Variants in UTS2B observed in about 807,000 individuals in gnomAD.
The protein encoded by UTS2B is urotensin 2B, also known as urotensin-2B.
In UTS2B, 21 loss-of-function variants were observed where a neutral mutation model predicts 19.2. That is an observed-to-expected ratio of 1.09 (90% CI 0.78 to 1.58). UTS2B has a LOEUF of 1.58. Ranked by LOEUF, UTS2B falls within the 40% of genes most tolerant of loss-of-function variation. UTS2B has a pLI of 0.00. For missense variants in UTS2B, 138 were observed against 130.3 expected, an observed-to-expected ratio of 1.06 and a Z score of -0.29; for synonymous variants, 57 against 50.2, an observed-to-expected ratio of 1.14 and a Z score of -0.58.
chr3:191,317,091 G>A (rs567664507), intron 2 of UTS2B, among the ~76,000 whole-genome samples: 23 of 152,342 alleles, frequency 1.5e-4, no homozygotes, highest in Admixed American at 1.1e-3. Context: ...GGCTCGGGCC[G>A]TGCAGAGCCC....
chr3:191,332,803 A>G (rs899414784), upstream of UTS2B, among the ~76,000 whole-genome samples: 1 of 152,160 alleles, frequency 6.6e-6, no homozygotes, highest in Non-Finnish European at 1.5e-5. Context: ...TTTGCTCTCC[A>G]AGTTCCTGTA....
chr3:191,344,767 C>T, the UTS2B span, among the ~76,000 whole-genome samples: 6 of 152,098 alleles, frequency 3.9e-5, no homozygotes, highest in East Asian at 9.6e-4. Flanking sequence ...TTTGTGGAGA[C>T]GAGATTTCAC....
chr3:191,334,802 G>A (rs546272629), upstream of UTS2B, among the ~76,000 whole-genome samples: 2 of 152,210 alleles, frequency 1.3e-5, no homozygotes, highest in South Asian at 4.1e-4. Context: ...TAAGACAGTA[G>A]AATGAAAATA....
chr3:191,321,281 G>A (rs1717604243), intron 2 of UTS2B, among the ~76,000 whole-genome samples: 1 of 152,076 alleles, frequency 6.6e-6, no homozygotes, highest in Non-Finnish European at 1.5e-5. Flanking sequence ...TGCAGGTATT[G>A]CAACCCAGAT....
intron 4 of UTS2B, among the ~76,000 whole-genome samples, chr3:191,299,859 C>T (rs1388995064): frequency 1.3e-5 from 2 of 152,222 alleles, no homozygotes; most frequent in African/African-American, 4.8e-5. Context: ...TGCAAAGTCA[C>T]AGGGGTGGAG....
At chr3:191,320,656 G>T (rs1717590757) in intron 2 of UTS2B, among the ~76,000 whole-genome samples, 1 of 152,212 alleles carries the variant, frequency 6.6e-6, no homozygotes, top group African/African-American at 2.4e-5. Context: ...CAGCAGTCAG[G>T]AGATGAGATG....
the UTS2B span, among the ~76,000 whole-genome samples, chr3:191,342,353 C>T: frequency 7.3e-5 from 11 of 151,390 alleles, no homozygotes; most frequent in Non-Finnish European, 1.2e-4. Context: ...TGCTCTCAAT[C>T]GTTTAAAGTT....
chr3:191,269,868 A>G (rs1716039513), intron 8 of UTS2B, among the ~76,000 whole-genome samples: 1 of 152,252 alleles, frequency 6.6e-6, no homozygotes, highest in African/African-American at 2.4e-5. Context: ...GGGAACTGTC[A>G]TGAGTCATAC....
At chr3:191,307,138 G>T (rs1717160939) in intron 3 of UTS2B, among the ~76,000 whole-genome samples, 1 of 152,200 alleles carries the variant, frequency 6.6e-6, no homozygotes, top group Non-Finnish European at 1.5e-5. Flanking sequence ...GTTTATTAAT[G>T]AATGCCTAGA....
chr3:191,316,990 G>A (rs1159239527), intron 2 of UTS2B, among the ~76,000 whole-genome samples: 5 of 152,376 alleles, frequency 3.3e-5, no homozygotes, highest in African/African-American at 7.2e-5. Flanking sequence ...GGAGCCTCCC[G>A]TTAGTCCCGC....
intron 2 of UTS2B, among the ~76,000 whole-genome samples, chr3:191,326,081 T>C (rs1717737716): frequency 6.6e-6 from 1 of 152,178 alleles, no homozygotes; most frequent in African/African-American, 2.4e-5. Context: ...AGATAATTCT[T>C]TCCAGAAGTA....
intron 3 of UTS2B, among the ~76,000 whole-genome samples, chr3:191,307,003 T>C (rs554602712): frequency 1.3e-5 from 2 of 152,284 alleles, no homozygotes; most frequent in African/African-American, 4.8e-5. Context: ...AAACCTTGGT[T>C]CACCTCTGGC....
intron 8 of UTS2B, among the ~76,000 whole-genome samples, chr3:191,271,157 T>A (rs1484005889): frequency 8.2e-6 from 1 of 122,058 alleles, no homozygotes; most frequent in African/African-American, 3.3e-5. Flanking sequence ...TGAGCAGAGA[T>A]CACACCACTG....
At chr3:191,333,389 G>A (rs540919115), upstream of UTS2B, among the ~76,000 whole-genome samples, 1 of 152,200 alleles carries the variant, frequency 6.6e-6, no homozygotes, top group East Asian at 1.9e-4. Context: ...ATTATGTCTG[G>A]TACCATCAGT....
chr3:191,280,738 A>C (rs534505229), intron 5 of UTS2B, among the ~76,000 whole-genome samples: 1 of 152,288 alleles, frequency 6.6e-6, no homozygotes, highest in Middle Eastern at 3.4e-3. Flanking sequence ...TGTTTCATAT[A>C]CACATGAAAT....
chr3:191,308,021 G>C (rs1400448544), intron 3 of UTS2B, among the ~76,000 whole-genome samples: 2 of 151,894 alleles, frequency 1.3e-5, no homozygotes, highest in Non-Finnish European at 2.9e-5. Flanking sequence ...TTTTTAGTAA[G>C]GGCGGGGTTT....
At chr3:191,344,334 T>C in the UTS2B span, among the ~76,000 whole-genome samples, 1 of 152,230 alleles carries the variant, frequency 6.6e-6, no homozygotes, top group East Asian at 1.9e-4. Context: ...TTCTGTATTC[T>C]GTACTGTCCA....
In UTS2B at chr3:191,285,127, G is replaced by C. The variant is rs546270765; in HGVS notation, c.-124-2814C>G. Among the ~76,000 whole-genome samples, 4 of 152,264 alleles carry C rather than the reference G, an allele frequency of 2.6e-5. No homozygotes were observed. In the South Asian group the frequency reaches 8.3e-4, roughly 32 times the overall value. On this transcript the variant is annotated intron_variant, in intron 4 of 8. Transcript: ENST00000340524. The stretch of plus-strand genomic sequence containing the variant: ...CAACACTGTTAAAAATAGTGCTTTA[G>C]ATTTATAAGCTACAATAATTTGCTA...
intron 2 of UTS2B, among the ~76,000 whole-genome samples, chr3:191,321,797 TG>T (rs563377075): frequency 6.6e-6 from 1 of 152,116 alleles, no homozygotes; most frequent in East Asian, 1.9e-4. Context: ...GAGGCCAAGG[TG>T]GGCAGATCAC....
Sources: gnomAD v4.1 joint callset for allele counts (sites outside exome capture counted in the v4.1 genomes callset) on GRCh38, gnomAD v4.1.1 for gene constraint, MANE v1.5 for transcripts, NCBI Gene and HGNC (gene_info 2026-07-23, HGNC 2026-07-21) for gene names.